The following RRAGD variants were observed in gnomAD, a reference collection of about 807,000 sequenced individuals.
RRAGD encodes the protein Ras related GTP binding D.
RRAGD carries 12 observed loss-of-function variants against 35.5 expected under a neutral mutation model. The observed-to-expected ratio is 0.34, with a 90% CI of 0.22 to 0.55. The LOEUF is 0.55. Ranked by LOEUF, RRAGD falls within the 20% of genes least tolerant of loss-of-function variation. The pLI is 0.91. For missense variants in RRAGD, 324 were observed against 490.1 expected, an observed-to-expected ratio of 0.66 and a Z score of 3.20; for synonymous variants, 155 against 178.9, an observed-to-expected ratio of 0.87 and a Z score of 1.07.
chr6:89,411,422 T>C lies in RRAGD; in HGVS notation c.148+424A>G. ...GCCAGTCACGCCGCCGCCGGCTGCCTTTTTTTAGCCACGACATCTGACCCT... is the reference window on the plus strand; with the variant it reads ...GCCAGTCACGCCGCCGCCGGCTGCCCTTTTTTAGCCACGACATCTGACCCT... On this transcript the variant is annotated intron_variant, in intron 1 of 6. Transcript: ENST00000369415. This position sits in a 1 kb window ranked among gnomAD's most constrained non-coding sequence, Gnocchi z 5.6. The C allele has an allele frequency of 6.4e-6, 1 of 157,324 alleles. No homozygotes were observed. The highest frequency in any genetic ancestry group is 1.4e-5 in the Non-Finnish European group (1 of 71,522). 9.7% of individuals were successfully genotyped at this position (157,324 alleles called of 1,614,324 possible). A position where few individuals can be genotyped will look rare whatever the true frequency, so the allele number is the denominator to read the frequency against.
intron 1 of RRAGD, among the ~76,000 whole-genome samples, chr6:89,401,295 T>C (rs1330447722): frequency 1.3e-5 from 2 of 151,958 alleles, no homozygotes; most frequent in African/African-American, 4.8e-5. Context: ...TCTTGCTCTA[T>C]TGCCCAGGCT....
intron 2 of RRAGD, among the ~76,000 whole-genome samples, chr6:89,382,259 A>C (rs1242344546): frequency 1.3e-5 from 2 of 152,032 alleles, no homozygotes; most frequent in South Asian, 4.1e-4. Flanking sequence ...AGTCCTTCCC[A>C]TCCTTCACAC....
At chr6:89,395,313 G>A (rs572581844) in intron 1 of RRAGD, among the ~76,000 whole-genome samples, 3 of 152,308 alleles carry the variant, frequency 2.0e-5, no homozygotes, top group Non-Finnish European at 4.4e-5. Flanking sequence ...AGCTACTTGG[G>A]AGGCTGAGGC....
chr6:89,373,794 CA>C (rs2127885097), intron 5 of RRAGD, among the ~76,000 whole-genome samples: 1 of 152,234 alleles, frequency 6.6e-6, no homozygotes, highest in Non-Finnish European at 1.5e-5. Flanking sequence ...GTAATTATTT[CA>C]AAGTTTTCTA....
chr6:89,400,197 C>T (rs1769430882), intron 1 of RRAGD, among the ~76,000 whole-genome samples: 1 of 152,116 alleles, frequency 6.6e-6, no homozygotes, highest in South Asian at 2.1e-4. Context: ...ACACATTAGT[C>T]TTCATAAAAT....
rs1403856532 is a variant in RRAGD, at chr6:89,379,342, A to G, written c.645-4T>C. The stretch of plus-strand genomic sequence containing the variant: ...ATATATGCTTGTCAGATAAAAGCTG[A>G]AAGAGGAAACGGTATTTCATCATGT... On this transcript the variant is annotated splice_region_variant and splice_polypyrimidine_tract_variant and intron_variant, in intron 3 of 6. Coordinates refer to ENST00000369415, the MANE Select transcript of RRAGD (RefSeq NM_021244.5). The G allele has an allele frequency of 2.7e-6, 4 of 1,460,894 alleles. No individual in the cohort carries two copies. In the Admixed American group the frequency reaches 5.4e-5, roughly 20 times the overall value. 90.5% of individuals were successfully genotyped at this position (1,460,894 alleles called of 1,614,324 possible).
Position 89,367,524 on chromosome 6 carries a change from G to A in RRAGD, c.*532C>T, listed in dbSNP as rs1380374787. On this transcript the variant is annotated 3_prime_UTR_variant, in exon 7 of 7. Transcript: ENST00000369415. ...ACAGTTCTTATTGCTCCTGGAGCTT[G>A]TAGCTCCAATCTGTTCCAGCTCCAC... 1 of 152,198 alleles carries A rather than the reference G, an allele frequency of 6.6e-6. No homozygotes were observed. Among genetic ancestry groups the A allele is most frequent in the Non-Finnish European group, 1.5e-5 (1 of 68,068 alleles). 9.4% of individuals were successfully genotyped at this position (152,198 alleles called of 1,614,324 possible). A position where few individuals can be genotyped will look rare whatever the true frequency, so the allele number is the denominator to read the frequency against.
In RRAGD at chr6:89,372,562, G is replaced by T; in HGVS notation, c.926C>A (p.Thr309Asn). 1 of 1,551,616 alleles carries T rather than the reference G, an allele frequency of 6.4e-7. No homozygotes were observed. The highest frequency in any genetic ancestry group is 8.7e-7 in the Non-Finnish European group (1 of 1,153,676). ...IYGLKEDGAG[T>N]PYDKESTAII... is the part of the protein sequence containing the mutation. ...GGCTGTGGATTCCTTGTCATAGGGGGTTCCTGCTCCATCTTCTTTGAGACT... is the reference window on the plus strand; with the variant it reads ...GGCTGTGGATTCCTTGTCATAGGGGTTTCCTGCTCCATCTTCTTTGAGACT... Residue 309 changes from threonine to asparagine, a missense_variant, in exon 6 of 7, where the codon ACC becomes AAC. By Grantham distance (65) the Thr-to-Asn change is moderately conservative. Transcript: ENST00000369415.
chr6:89,404,056 TA>T (rs1410033342), intron 1 of RRAGD, among the ~76,000 whole-genome samples: 1 of 152,184 alleles, frequency 6.6e-6, no homozygotes, highest in African/African-American at 2.4e-5. Flanking sequence ...GCTTGAAGAA[TA>T]AAAAACGGTT....
chr6:89,390,195 A>G (rs999123323), intron 1 of RRAGD, among the ~76,000 whole-genome samples: 55 of 152,340 alleles, frequency 3.6e-4, no homozygotes, highest in African/African-American at 1.2e-3. Flanking sequence ...AAAAACAGAT[A>G]AACTGGACTT....
chr6:89,367,194 G>A lies in RRAGD; in HGVS notation c.*862C>T, dbSNP rs1210056589. 1 of 152,142 alleles carries A rather than the reference G, an allele frequency of 6.6e-6. No individual in the cohort carries two copies. Among genetic ancestry groups the A allele is most frequent in the African/African-American group, 2.4e-5 (1 of 41,414 alleles). 9.4% of individuals were successfully genotyped at this position (152,142 alleles called of 1,614,324 possible). A position where few individuals can be genotyped will look rare whatever the true frequency, so the allele number is the denominator to read the frequency against. Reference sequence around the variant, plus strand: ...TTTGGAACAACTTTAGGCCTCTGATGTTACTTTAGCCCTGGGTGGTAGGTA... The same window carrying A: ...TTTGGAACAACTTTAGGCCTCTGATATTACTTTAGCCCTGGGTGGTAGGTA... On this transcript the variant is annotated 3_prime_UTR_variant, in exon 7 of 7. Coordinates refer to ENST00000369415, the MANE Select transcript of RRAGD (RefSeq NM_021244.5).
intron 2 of RRAGD, among the ~76,000 whole-genome samples, chr6:89,382,016 GC>G (rs1769051218): frequency 7.1e-6 from 1 of 141,658 alleles, no homozygotes; most frequent in African/African-American, 2.8e-5. Flanking sequence ...TGTTTTTATG[GC>G]AAAAAAAAAA....
chr6:89,405,814 G>A (rs928658001), intron 1 of RRAGD, among the ~76,000 whole-genome samples: 41 of 152,156 alleles, frequency 2.7e-4, no homozygotes, highest in Admixed American at 2.4e-3. Flanking sequence ...AGCTTTCTCT[G>A]TGGCTCCTTT....
chr6:89,395,969 C>A (rs1402491718), intron 1 of RRAGD, among the ~76,000 whole-genome samples: 31 of 145,696 alleles, frequency 2.1e-4, no homozygotes, highest in African/African-American at 3.3e-4. Context: ...ATCCATATGC[C>A]AAAAAAAAAA....
chr6:89,409,537 A>G (rs1205836241), intron 1 of RRAGD, among the ~76,000 whole-genome samples: 1 of 152,232 alleles, frequency 6.6e-6, no homozygotes, highest in Non-Finnish European at 1.5e-5. Context: ...AAATTTTACC[A>G]AAAATAAAAC....
chr6:89,394,724 T>C (rs1248135764), intron 1 of RRAGD, among the ~76,000 whole-genome samples: 2 of 152,020 alleles, frequency 1.3e-5, no homozygotes, highest in African/African-American at 2.4e-5. Context: ...AATTTAAGGA[T>C]AACCATTTCA....
At chr6:89,394,304 A>C (rs1216508815) in intron 1 of RRAGD, among the ~76,000 whole-genome samples, 1 of 152,142 alleles carries the variant, frequency 6.6e-6, no homozygotes, top group Non-Finnish European at 1.5e-5. Context: ...GTGAAAAAAA[A>C]TTTTTTAAAT....
chr6:89,385,119 C>A (rs1001576220), intron 2 of RRAGD, among the ~76,000 whole-genome samples: 11 of 152,130 alleles, frequency 7.2e-5, no homozygotes. Context: ...CATTTACCAA[C>A]CTAAATTGAA....
In RRAGD at chr6:89,368,045, T is replaced by A. The variant is rs1768784810; in HGVS notation, c.*11A>T. ...AAGGTCTGATTTCAAAAGACATTCC[T>A]GAAACCTCACCTACAGCAGCACTCT... On this transcript the variant is annotated 3_prime_UTR_variant, in exon 7 of 7. Transcript: ENST00000369415. The A allele has an allele frequency of 3.2e-6, 5 of 1,586,956 alleles. No individual in the cohort carries two copies. The highest frequency in any genetic ancestry group is 4.3e-6 in the Non-Finnish European group (5 of 1,168,076).
Sources: gnomAD v4.1 joint callset for allele counts (sites outside exome capture counted in the v4.1 genomes callset) on GRCh38, gnomAD v4.1.1 for gene constraint, Gnocchi (gnomAD v3.1) non-coding constraint, MANE v1.5 for transcripts, NCBI Gene and HGNC (gene_info 2026-07-23, HGNC 2026-07-21) for gene names.